The following RIDA variants were observed in gnomAD, a reference collection of about 807,000 sequenced individuals.
RIDA encodes the protein reactive intermediate imine deaminase A.
Under a neutral mutation model 17.8 loss-of-function variants are expected in RIDA, and 17 were observed. The observed-to-expected ratio is 0.96, with a 90% CI of 0.65 to 1.43. The LOEUF is 1.43. Among genes scored for constraint, RIDA ranks in the 40% most tolerant of loss-of-function variants. The probability of loss-of-function intolerance (pLI) is 0.00; values close to 1 mark genes in which losing one functional copy is unlikely to be tolerated. For missense variants in RIDA, 158 were observed against 161.7 expected (o/e 0.98, Z 0.12); for synonymous variants, 48 against 55.7 (o/e 0.86, Z 0.62).
intron 1 of RIDA, among the ~76,000 whole-genome samples, chr8:98,112,451 A>G (rs971130542): frequency 6.6e-6 from 1 of 152,214 alleles, no homozygotes; most frequent in Non-Finnish European, 1.5e-5. Context: ...TAGGCACACT[A>G]TAACTACTTG....
intron 4 of RIDA, among the ~76,000 whole-genome samples, chr8:98,104,835 C>T (rs1170980451): frequency 6.6e-6 from 1 of 152,028 alleles, no homozygotes; most frequent in Non-Finnish European, 1.5e-5. Flanking sequence ...CTCAGCCTCC[C>T]GAGTAGCTGG....
At chr8:98,103,012 A>G (rs773630115) in intron 5 of RIDA, 108 bp from the exon 6 acceptor site, 12 of 721,818 alleles carry the variant, frequency 1.7e-5, no homozygotes, top group Non-Finnish European at 2.8e-5. Flanking sequence ...TTTTAACATT[A>G]AACTTTTCAA....
intron 1 of RIDA, among the ~76,000 whole-genome samples, chr8:98,112,546 C>T (rs910444729): frequency 6.6e-6 from 1 of 152,212 alleles, no homozygotes; most frequent in African/African-American, 2.4e-5. Context: ...TGTTGACTTA[C>T]AGCAAATGCT....
At chr8:98,114,917 G>C (rs1261517461) in intron 1 of RIDA, among the ~76,000 whole-genome samples, 3 of 151,048 alleles carry the variant, frequency 2.0e-5, no homozygotes, top group Admixed American at 6.6e-5. Context: ...CTACACCAGG[G>C]ACAACAAAGT....
At chr8:98,104,614 T>G in intron 4 of RIDA, 70 bp from the exon 5 acceptor site, 1 of 906,030 alleles carries the variant, frequency 1.1e-6, no homozygotes, top group South Asian at 1.4e-5. Context: ...TGAAAATTTT[T>G]ATTTTAGTTT....
chr8:98,105,273 C>G (rs72678783), intron 4 of RIDA, among the ~76,000 whole-genome samples: 13,319 of 152,068 alleles, frequency 0.088, 734 homozygotes, highest in Admixed American at 0.12. Flanking sequence ...CAAGTACTTC[C>G]TCTGCCAACT....
At chr8:98,108,542 ATC>A (rs1815666184) in intron 2 of RIDA, 102 bp downstream of exon 2, 5 of 739,878 alleles carry the variant, frequency 6.8e-6, no homozygotes, top group South Asian at 6.1e-5. Context: ...AAAAACATTT[ATC>A]TGTTAATCTC....
chr8:98,109,966 G>T (rs2927370), intron 1 of RIDA, among the ~76,000 whole-genome samples: 9 of 151,936 alleles, frequency 5.9e-5, no homozygotes, highest in African/African-American at 2.2e-4. Context: ...TGTCCAAAGA[G>T]TTTACGTGAA....
At chr8:98,105,795 A>C (rs1815624698) in intron 4 of RIDA, 143 bp downstream of exon 4, 5 of 574,038 alleles carry the variant, frequency 8.7e-6, no homozygotes, top group Non-Finnish European at 1.5e-5. Context: ...ACATATTTCC[A>C]ATCAGATTAT....
chr8:98,108,860 A>T (rs555734105), intron 1 of RIDA, 109 bp from the exon 2 acceptor site: 1 of 627,420 alleles, frequency 1.6e-6, no homozygotes, highest in Non-Finnish European at 2.8e-6. Flanking sequence ...AAAAAAAAAA[A>T]CAGATACATT....
chr8:98,104,571 T>A (rs763397255), intron 4 of RIDA, 27 bp from the exon 5 acceptor site: 2 of 1,330,954 alleles, frequency 1.5e-6, no homozygotes. Context: ...TTCATTTTTT[T>A]AATAGAGAAG....
intron 1 of RIDA, among the ~76,000 whole-genome samples, chr8:98,111,208 C>T (rs1388507188): frequency 6.6e-6 from 1 of 151,974 alleles, no homozygotes; most frequent in African/African-American, 2.4e-5. Context: ...GAAAAAAAGC[C>T]AAACAAGTCT....
At chr8:98,104,032 T>C (rs1212246791) in intron 5 of RIDA, among the ~76,000 whole-genome samples, 2 of 152,006 alleles carry the variant, frequency 1.3e-5, no homozygotes, top group African/African-American at 4.8e-5. Context: ...TAATATGGGA[T>C]ATTTCCTTTC....
intron 2 of RIDA, 104 bp from the exon 3 acceptor site, chr8:98,106,430 G>A: frequency 1.1e-6 from 1 of 935,034 alleles, no homozygotes. Context: ...AATAGCCTAT[G>A]TTGCAGAAAA....
chr8:98,105,072 A>C (rs957080883), intron 4 of RIDA, among the ~76,000 whole-genome samples: 4 of 145,694 alleles, frequency 2.7e-5, no homozygotes, highest in African/African-American at 1.0e-4. Flanking sequence ...ATTTTGCCAT[A>C]TGATTCCTAT....
intron 1 of RIDA, among the ~76,000 whole-genome samples, chr8:98,111,338 T>G (rs1213472531): frequency 1.3e-5 from 2 of 152,212 alleles, no homozygotes; most frequent in African/African-American, 4.8e-5. Context: ...CAGGGCATGG[T>G]GGCTCATGCC....
intron 2 of RIDA, 149 bp downstream of exon 2, chr8:98,108,497 C>T: frequency 3.4e-6 from 2 of 583,046 alleles, no homozygotes; most frequent in South Asian, 4.1e-5. Flanking sequence ...ACTCTTAGAT[C>T]AAAAACTATG....
intron 1 of RIDA, among the ~76,000 whole-genome samples, chr8:98,114,327 CTTTT>C (rs10576507): frequency 3.1e-4 from 44 of 143,136 alleles, no homozygotes; most frequent in Admixed American, 2.8e-4. Flanking sequence ...CTGCTAAAAT[CTTTT>C]TTTTTTTTTT....
chr8:98,111,525 GA>G (rs1228308109), intron 1 of RIDA, among the ~76,000 whole-genome samples: 9 of 151,530 alleles, frequency 5.9e-5, no homozygotes, highest in Admixed American at 2.6e-4. Flanking sequence ...AGAATCACTT[GA>G]ACCTGGGAGG....
Sources: gnomAD v4.1 joint callset for allele counts (sites outside exome capture counted in the v4.1 genomes callset) on GRCh38, gnomAD v4.1.1 for gene constraint, MANE v1.5 for transcripts, NCBI Gene and HGNC (gene_info 2026-07-23, HGNC 2026-07-21) for gene names.